The following AFF3 variants were observed in gnomAD, a reference collection of about 807,000 sequenced individuals.
AFF3 encodes the protein AF4/FMR2 family member 3.
A neutral mutation model predicts 129.7 loss-of-function variants in AFF3; 32 were observed. That is an observed-to-expected ratio of 0.25 (90% CI 0.19 to 0.33). The LOEUF (loss-of-function observed/expected upper bound fraction) is 0.33. AFF3 is among the 10% of genes least tolerant of loss of function. AFF3 has a pLI of 1.00. For missense variants in AFF3, 1,373 were observed against 1,592.0 expected, an observed-to-expected ratio of 0.86 and a Z score of 2.34; for synonymous variants, 644 against 635.4, an observed-to-expected ratio of 1.01 and a Z score of -0.20.
At chr2:99,952,771 G>A (rs974883163) in intron 7 of AFF3, among the ~76,000 whole-genome samples, 3 of 152,102 alleles carry the variant, frequency 2.0e-5, no homozygotes, top group Non-Finnish European at 4.4e-5. Flanking sequence ...TTAATCAAAG[G>A]ACTGACTCAC....
intron 7 of AFF3, among the ~76,000 whole-genome samples, chr2:99,950,083 C>T (rs1281887155): frequency 6.6e-6 from 1 of 152,174 alleles, no homozygotes; most frequent in East Asian, 1.9e-4. Flanking sequence ...CAATCTCTGA[C>T]ACTAGCTATT....
intron 7 of AFF3, among the ~76,000 whole-genome samples, chr2:99,947,220 C>G: frequency 6.6e-6 from 1 of 152,098 alleles, no homozygotes; most frequent in Non-Finnish European, 1.5e-5. Flanking sequence ...GTGGGCAGAT[C>G]ACTTGAGGTC....
At chr2:99,889,648 C>A (rs6755396) in intron 7 of AFF3, among the ~76,000 whole-genome samples, 128,787 of 152,196 alleles carry the variant, frequency 0.85, 54,803 homozygotes, top group African/African-American at 0.94. Context: ...CACTCAACCC[C>A]GGAGCCCTGA....
At chr2:99,670,366 G>A (rs1433400358) in intron 12 of AFF3, among the ~76,000 whole-genome samples, 1 of 138,220 alleles carries the variant, frequency 7.2e-6, no homozygotes, top group African/African-American at 2.9e-5. Flanking sequence ...AAGACAGCCA[G>A]ATATAATGTC....
chr2:99,667,346 T>C (rs1019181026), intron 12 of AFF3, among the ~76,000 whole-genome samples: 2 of 152,144 alleles, frequency 1.3e-5, no homozygotes, highest in African/African-American at 4.8e-5. Context: ...CATCAATATT[T>C]GTGGGATAAA....
chr2:100,137,186 T>C (rs1692672252), intron 1 of AFF3, among the ~76,000 whole-genome samples: 1 of 152,232 alleles, frequency 6.6e-6, no homozygotes, highest in Non-Finnish European at 1.5e-5. Context: ...TCTCTGCTAG[T>C]AAAATCGTTC....
At chr2:100,010,598 C>T (rs746542177) in intron 4 of AFF3, among the ~76,000 whole-genome samples, 4 of 152,308 alleles carry the variant, frequency 2.6e-5, no homozygotes, top group Admixed American at 1.3e-4. Context: ...CTTCATATAA[C>T]GGGGACTGCA....
intron 2 of AFF3, among the ~76,000 whole-genome samples, chr2:100,126,297 G>A (rs769968153): frequency 1.3e-5 from 2 of 152,190 alleles, no homozygotes; most frequent in Non-Finnish European, 2.9e-5. Context: ...TGTTCTGTTC[G>A]AGAAGCCAGA....
intron 7 of AFF3, among the ~76,000 whole-genome samples, chr2:99,948,004 CT>C (rs1020037052): frequency 6.6e-6 from 1 of 152,152 alleles, no homozygotes; most frequent in Non-Finnish European, 1.5e-5. Context: ...AGAGTGAGTG[CT>C]TAAAAGCACT....
intron 7 of AFF3, among the ~76,000 whole-genome samples, chr2:99,853,655 G>A (rs528202974): frequency 1.4e-4 from 22 of 152,226 alleles, no homozygotes; most frequent in South Asian, 4.1e-4. Context: ...TTCTAGATGC[G>A]AAATTTCCTC....
chr2:99,695,234 G>A (rs532418311), intron 11 of AFF3, among the ~76,000 whole-genome samples: 1 of 152,322 alleles, frequency 6.6e-6, no homozygotes. Flanking sequence ...ACAGCCGCGT[G>A]TGCCTGGTAG....
intron 7 of AFF3, among the ~76,000 whole-genome samples, chr2:99,902,518 G>A (rs1027787125): frequency 2.0e-5 from 3 of 152,086 alleles, no homozygotes; most frequent in Admixed American, 2.0e-4. Flanking sequence ...CATCAATGCA[G>A]GGGTACCTCA....
intron 15 of AFF3, among the ~76,000 whole-genome samples, chr2:99,592,942 C>A (rs58229337): frequency 0.077 from 9,433 of 121,818 alleles, 1,057 homozygotes; most frequent in African/African-American, 0.24. Context: ...TCCCCCCCCC[C>A]CAAAAAAAGG....
intron 8 of AFF3, 87 bp from the exon 9 acceptor site, chr2:99,752,388 T>A: frequency 9.1e-7 from 1 of 1,094,668 alleles, no homozygotes; most frequent in Non-Finnish European, 1.4e-6. Flanking sequence ...CAAGTGGGCC[T>A]TCATAAGGCA....
At chr2:99,760,954 T>C (rs1682527066) in intron 8 of AFF3, among the ~76,000 whole-genome samples, 1 of 151,368 alleles carries the variant, frequency 6.6e-6, no homozygotes, top group Non-Finnish European at 1.5e-5. Flanking sequence ...TGAGATAAAG[T>C]CTCACTAAGT....
Sources: allele counts gnomAD v4.1 joint callset (sites outside exome capture counted in the v4.1 genomes callset), GRCh38; gene constraint gnomAD v4.1.1; transcripts MANE v1.5; gene names NCBI Gene and HGNC (gene_info 2026-07-23, HGNC 2026-07-21).